Variants in TRPV1 observed in about 807,000 individuals in gnomAD.
TRPV1 encodes OTRPC1.
Under a neutral mutation model 82.3 loss-of-function variants are expected in TRPV1, and 82 were observed. That is an observed-to-expected ratio of 1.00 (90% CI 0.83 to 1.20). The LOEUF is 1.20. Ranked by LOEUF, TRPV1 falls within the 50% of genes most tolerant of loss-of-function variation. TRPV1 has a pLI of 0.00. For synonymous variants in TRPV1, 515 were observed against 467.7 expected, an observed-to-expected ratio of 1.10 and a Z score of -1.30; for missense variants, 1,067 against 1,096.8, an observed-to-expected ratio of 0.97 and a Z score of 0.38.
At chr17:3,588,404 C>A in intron 7 of TRPV1, 37 bp from the exon 8 acceptor site, 1 of 1,544,894 alleles carries the variant, frequency 6.5e-7, no homozygotes, top group Non-Finnish European at 8.7e-7. Flanking sequence ...AGAGGCCAGC[C>A]CCAGGCTCAG....
At position 3,592,167 on chromosome 17, in the gene TRPV1, C is replaced by T. The variant is rs571900093; in HGVS notation, c.184G>A (p.Asp62Asn). 1 of 1,613,788 alleles carries T rather than the reference C, an allele frequency of 6.2e-7. No homozygotes were observed. The highest frequency in any genetic ancestry group is 1.7e-5 in the Admixed American group (1 of 59,980). ...KGDSEEAFPV[D>N]CPHEEGELDS... is the part of the protein sequence containing the mutation. ...AGCTCACCTTCCTCGTGAGGGCAAT[C>T]CACCGGGAAAGCCTCCTCCGAGTCA... The change falls in exon 3 of 17, where the codon GAT becomes AAT. Residue 62 changes from aspartate (D) to asparagine (N), a missense_variant. Transcript: ENST00000572705.
At chr17:3,576,583 C>T (rs1462942679) in intron 13 of TRPV1, among the ~76,000 whole-genome samples, 18 of 145,234 alleles carry the variant, frequency 1.2e-4, no homozygotes, top group African/African-American at 4.1e-4. Context: ...ACCCGGGAGG[C>T]GGAGCCTCCA....
intron 2 of TRPV1, 167 bp from the exon 3 acceptor site, chr17:3,592,550 T>A: frequency 2.8e-6 from 2 of 704,940 alleles, no homozygotes; most frequent in East Asian, 2.7e-5. Context: ...ACTGAACCTC[T>A]CACCCCAGAG....
Position 3,590,111 on chromosome 17 carries a change from T to G in TRPV1, c.746-6A>C. On this transcript the variant is annotated splice_polypyrimidine_tract_variant and splice_region_variant and intron_variant, in intron 6 of 16. Transcript: ENST00000572705. ...CAGGGACAGGGGCAGTTCACCTGCA[T>G]GAACACAGGGCCCAGGTGGGCCTCA... 1 of 1,601,758 alleles carries G rather than the reference T, an allele frequency of 6.2e-7. No homozygotes were observed. Among genetic ancestry groups the G allele is most frequent in the African/African-American group, 1.3e-5 (1 of 74,876 alleles).
rs768885569 is a variant in TRPV1, at chr17:3,573,751, A to G, written c.1985T>C (p.Ile662Thr). ...GAGAATTACATAGGCCAGCAGCAGG[A>G]TGATGAAGACAGCCTTGAAGTCATA... ...ENYDFKAVFI[I>T]LLLAYVILTY... is the part of the protein sequence containing the mutation. Residue 662 changes from isoleucine to threonine, a missense_variant, in exon 14 of 17, where the codon ATC (isoleucine) becomes ACC (threonine). Transcript: ENST00000572705. The G allele has an allele frequency of 3.1e-6, 5 of 1,613,984 alleles. No individual in the cohort carries two copies. In the African/African-American group the frequency reaches 5.3e-5, roughly 17 times the overall value.
chr17:3,575,148 C>T (rs1452175809), intron 13 of TRPV1, among the ~76,000 whole-genome samples: 1 of 152,082 alleles, frequency 6.6e-6, no homozygotes, highest in African/African-American at 2.4e-5. Flanking sequence ...TTCTCTATAA[C>T]AGAATGCCAG....
chr17:3,566,768 G>A lies in TRPV1; in HGVS notation c.*47C>T, dbSNP rs1366970427. 3.1e-6 allele frequency: 5 copies of A among 1,590,134 alleles called. No homozygotes were observed. Among genetic ancestry groups the A allele is most frequent in the African/African-American group, 2.7e-5 (2 of 74,338 alleles). On this transcript the variant is annotated 3_prime_UTR_variant, in exon 17 of 17. Transcript: ENST00000572705. ...TCCCTCAGCAGCCCCCCGTGGCAAC[G>A]GGGTCTCCTAAGGCCCAGTGTTGAC...
chr17:3,583,375 A>G lies in TRPV1; in HGVS notation c.1439T>C (p.Leu480Pro), dbSNP rs758551558. ...GDYFRVTGEI[L>P]SVLGGVYFFF... ...GAAGTAGACTCCTCCTAACACAGAC[A>G]GGATCTCTCCAGTAACTCGGAAATA... Residue 480 changes from leucine (L) to proline (P), a missense_variant, in exon 10 of 17, where the codon CTG (leucine) becomes CCG (proline). Physicochemically the swap from Leu to Pro is moderately conservative, Grantham distance 98. Coordinates refer to ENST00000572705, the MANE Select transcript of TRPV1 (RefSeq NM_080704.4). 5.6e-6 allele frequency: 9 copies of G among 1,610,610 alleles called. No homozygotes were observed. Among genetic ancestry groups the G allele is most frequent in the Admixed American group, 1.7e-5 (1 of 59,544 alleles).
chr17:3,580,605 A>G lies in TRPV1; in HGVS notation c.1477-78T>C, dbSNP rs1349103808. ...TGGTGAGCACTCAGATGCTTCCTAA[A>G]TGGCACCATGATGGGGTGGTCGAAT... On this transcript the variant is annotated intron_variant, in intron 10 of 16. Transcript: ENST00000572705. 5 of 1,450,472 alleles carry G rather than the reference A, an allele frequency of 3.4e-6. No individual in the cohort carries two copies. The African/African-American group carries it at 5.6e-5, about 16-fold the overall frequency. 89.9% of individuals were successfully genotyped at this position (1,450,472 alleles called of 1,614,324 possible). A position where few individuals can be genotyped will look rare whatever the true frequency, so the allele number is the denominator to read the frequency against.
At chr17:3,594,733 G>C (rs1310593016) in intron 2 of TRPV1, among the ~76,000 whole-genome samples, 1 of 152,226 alleles carries the variant, frequency 6.6e-6, no homozygotes, top group Non-Finnish European at 1.5e-5. Context: ...CTGCGCTGGG[G>C]GCACAGAGAG....
chr17:3,588,324 C>CA lies in TRPV1; in HGVS notation c.1087dup (p.Cys363LeufsTer47). 6.4e-7 allele frequency: 1 copy of CA among 1,566,690 alleles called. No individual in the cohort carries two copies. The highest frequency in any genetic ancestry group is 8.7e-7 in the Non-Finnish European group (1 of 1,156,068). Reference sequence around the variant, plus strand: ...GGTGAACTTCCTGGACAGGTGCCTGCACTCGGGCTCCTGGATCTCCCGCTG... The same window carrying CA: ...GGTGAACTTCCTGGACAGGTGCCTGCAACTCGGGCTCCTGGATCTCCCGCTG... On this transcript the variant is annotated frameshift_variant, in exon 8 of 17. Coordinates refer to ENST00000572705, the MANE Select transcript of TRPV1 (RefSeq NM_080704.4). LOFTEE classifies it high-confidence loss of function.
At position 3,590,336 on chromosome 17, in the gene TRPV1, G is replaced by C; in HGVS notation, c.661C>G (p.Leu221Val). 6.2e-7 allele frequency: 1 copy of C among 1,614,034 alleles called. No homozygotes were observed. Among genetic ancestry groups the C allele is most frequent in the Non-Finnish European group, 8.5e-7 (1 of 1,179,896 alleles). The part of the protein sequence containing the change: ...ERRNMALVTL[L>V]VENGADVQAA... ...TGGACGTCTGCTCCGTTCTCCACCA[G>C]GAGGGTCACCAGGGCCATGTTGCGT... is the stretch of plus-strand genomic sequence containing the variant. The change falls in exon 6 of 17, where the codon CTG (leucine) becomes GTG (valine). Residue 221 changes from leucine (L) to valine (V), a missense_variant. Coordinates refer to ENST00000572705, the MANE Select transcript of TRPV1 (RefSeq NM_080704.4).
At position 3,580,547 on chromosome 17, in the gene TRPV1, G is replaced by C. The variant is rs2074994076; in HGVS notation, c.1477-20C>G. On this transcript the variant is annotated intron_variant, in intron 10 of 16. Transcript: ENST00000572705. Reference sequence around the variant, plus strand: ...CTGAATCTGCAGGTAAACAGAGAGAGTAAGATCCCAGGCAATGCTCGATGT... The same window carrying C: ...CTGAATCTGCAGGTAAACAGAGAGACTAAGATCCCAGGCAATGCTCGATGT... 1.9e-6 allele frequency: 3 copies of C among 1,613,710 alleles called. No individual in the cohort carries two copies. The South Asian group carries it at 3.3e-5, about 18-fold the overall frequency.
In TRPV1 at chr17:3,585,914, T is replaced by G. The variant is rs201317858; in HGVS notation, c.1237A>C (p.Met413Leu). ...SSSETPNRHDMLLVEPLNRLL... is the reference protein window; with the variant it reads ...SSSETPNRHDLLLVEPLNRLL... ...CGGTTCAGCGGCTCCACCAAGAGCA[T>G]GTCGTGGCGATTCTAGGGGGTGGGG... The change falls in exon 9 of 17, where the codon ATG becomes CTG. Residue 413 changes from methionine (M) to leucine (L), a missense_variant. Physicochemically the swap from Met to Leu is conservative, Grantham distance 15 (BLOSUM62 2). Transcript: ENST00000572705. The G allele has an allele frequency of 2.5e-6, 4 of 1,613,442 alleles. No homozygotes were observed. The South Asian group carries it at 3.3e-5, about 13-fold the overall frequency.
At chr17:3,598,849 G>A (rs1034880318) in intron 2 of TRPV1, among the ~76,000 whole-genome samples, 2 of 150,992 alleles carry the variant, frequency 1.3e-5, no homozygotes, top group African/African-American at 2.4e-5. Context: ...TCATAGGCGT[G>A]AGCCACCGCG....
intron 16 of TRPV1, among the ~76,000 whole-genome samples, chr17:3,570,285 G>A (rs990186709): frequency 1.3e-5 from 2 of 151,630 alleles, no homozygotes; most frequent in African/African-American, 2.4e-5. Flanking sequence ...CAGGAGAATC[G>A]CTTGAACCCG....
chr17:3,587,819 A>G (rs2075103007), intron 8 of TRPV1, among the ~76,000 whole-genome samples: 1 of 150,886 alleles, frequency 6.6e-6, no homozygotes, highest in Non-Finnish European at 1.5e-5. Flanking sequence ...GTCTCAAAAA[A>G]AAAAAGAAAA....
chr17:3,568,179 G>C (rs915304343), intron 16 of TRPV1, among the ~76,000 whole-genome samples: 1 of 152,000 alleles, frequency 6.6e-6, no homozygotes, highest in African/African-American at 2.4e-5. Flanking sequence ...AAAATTAGCC[G>C]GGCGTAGTGG....
chr17:3,583,209 C>A, intron 10 of TRPV1, 129 bp downstream of exon 10: 1 of 826,962 alleles, frequency 1.2e-6, no homozygotes, highest in Non-Finnish European at 1.9e-6. Context: ...TTCACCTCTG[C>A]GTCTCTCAGC....
Sources: allele counts gnomAD v4.1 joint callset (sites outside exome capture counted in the v4.1 genomes callset), GRCh38; gene constraint gnomAD v4.1.1; transcripts MANE v1.5; gene names NCBI Gene and HGNC (gene_info 2026-07-23, HGNC 2026-07-21).